Variants in RBFOX1 observed in about 807,000 individuals in gnomAD.
RBFOX1 encodes RNA binding fox-1 homolog 1, also known as RNA binding protein fox-1 homolog 1.
Under a neutral mutation model 57.7 loss-of-function variants are expected in RBFOX1, and 8 were observed. The ratio of observed to expected loss-of-function variants is 0.14; its 90% CI spans 0.08 to 0.25. RBFOX1 has a LOEUF of 0.25. RBFOX1 is among the 10% of genes least tolerant of loss of function. The pLI is 1.00. For synonymous variants in RBFOX1, 326 were observed against 222.4 expected (o/e 1.47, Z -4.15); for missense variants, 611 against 548.5 (o/e 1.11, Z -1.14).
intron 2 of RBFOX1, among the ~76,000 whole-genome samples, chr16:6,601,665 A>C (rs75471861): frequency 0.18 from 27,369 of 152,074 alleles, 3,148 homozygotes; most frequent in Middle Eastern, 0.34. Context: ...ACATATTAAA[A>C]AGAACGTATA....
At chr16:5,764,792 T>G (rs1259174402) in intron 3 of RBFOX1, among the ~76,000 whole-genome samples, 4 of 120,242 alleles carry the variant, frequency 3.3e-5, no homozygotes. Flanking sequence ...ATTATAACCA[T>G]CATCATTTTT....
chr16:7,454,567 T>C (rs1211097886), intron 4 of RBFOX1, among the ~76,000 whole-genome samples: 1 of 152,202 alleles, frequency 6.6e-6, no homozygotes, highest in African/African-American at 2.4e-5. Flanking sequence ...CCTGTTGGGT[T>C]ATGTCCCCTA....
chr16:7,036,939 G>A (rs1277789894), intron 3 of RBFOX1, among the ~76,000 whole-genome samples: 2 of 152,120 alleles, frequency 1.3e-5, no homozygotes, highest in African/African-American at 2.4e-5. Context: ...TAAACAAGGA[G>A]TAGATTATTC....
At chr16:5,473,196 A>G (rs369077136) in intron 2 of RBFOX1, among the ~76,000 whole-genome samples, 1 of 152,182 alleles carries the variant, frequency 6.6e-6, no homozygotes, top group South Asian at 2.1e-4. Flanking sequence ...TATTTACATG[A>G]TTTCTTCCCA....
chr16:6,688,850 A>T (rs2059815452), intron 3 of RBFOX1, among the ~76,000 whole-genome samples: 1 of 152,024 alleles, frequency 6.6e-6, no homozygotes, highest in Non-Finnish European at 1.5e-5. Flanking sequence ...ATGTGTTCTC[A>T]TTGTTCAACT....
chr16:5,884,191 T>G (rs1051176529), intron 4 of RBFOX1, among the ~76,000 whole-genome samples: 5 of 152,194 alleles, frequency 3.3e-5, no homozygotes, highest in Non-Finnish European at 7.3e-5. Context: ...ACCTCAATTT[T>G]ACATTTAAGC....
intron 4 of RBFOX1, among the ~76,000 whole-genome samples, chr16:7,283,159 C>G (rs953071989): frequency 1.3e-5 from 2 of 151,996 alleles, no homozygotes; most frequent in Non-Finnish European, 2.9e-5. Context: ...ACATTTAGGT[C>G]TTTAAGGAAT....
At chr16:7,471,368 TA>T (rs1454749406) in intron 4 of RBFOX1, among the ~76,000 whole-genome samples, 4 of 152,218 alleles carry the variant, frequency 2.6e-5, no homozygotes, top group African/African-American at 9.6e-5. Context: ...TAATTTTTTT[TA>T]ATGTACATAC....
intron 3 of RBFOX1, chr16:6,773,879 T>C: frequency 1.1e-6 from 1 of 871,052 alleles, no homozygotes; most frequent in Non-Finnish European, 1.4e-6. Context: ...TGCGTTTGTC[T>C]GTGTGTATTT....
chr16:6,990,756 C>G (rs1223696636), intron 3 of RBFOX1, among the ~76,000 whole-genome samples: 1 of 152,094 alleles, frequency 6.6e-6, no homozygotes, highest in African/African-American at 2.4e-5. Context: ...CATGATCTTC[C>G]ATGTCCATCT....
At chr16:5,713,278 C>T (rs569657714) in intron 3 of RBFOX1, among the ~76,000 whole-genome samples, 3 of 152,020 alleles carry the variant, frequency 2.0e-5, no homozygotes, top group Non-Finnish European at 4.4e-5. Flanking sequence ...TCCTCGGTAA[C>T]CTTTGAGCGA....
At chr16:6,902,482 G>A (rs1248145480) in intron 3 of RBFOX1, among the ~76,000 whole-genome samples, 4 of 152,182 alleles carry the variant, frequency 2.6e-5, no homozygotes, top group Non-Finnish European at 5.9e-5. Context: ...AGCACTTTGA[G>A]AGGCAGGGTG....
intron 2 of RBFOX1, among the ~76,000 whole-genome samples, chr16:5,505,046 G>C (rs1025218702): frequency 2.0e-5 from 3 of 149,684 alleles, no homozygotes; most frequent in African/African-American, 7.6e-5. Context: ...CAAGGCGCTG[G>C]TTGCATAGCC....
intron 6 of RBFOX1, among the ~76,000 whole-genome samples, chr16:7,583,930 A>C (rs1192178739): frequency 6.6e-6 from 1 of 152,210 alleles, no homozygotes; most frequent in East Asian, 1.9e-4. Flanking sequence ...CATGACTTTC[A>C]GCACATGCAA....
chr16:7,649,305 A>T (rs928549408), intron 11 of RBFOX1, among the ~76,000 whole-genome samples: 1 of 152,130 alleles, frequency 6.6e-6, no homozygotes, highest in African/African-American at 2.4e-5. Context: ...TTTTGCAAGA[A>T]TCAATATTAT....
At chr16:5,252,966 C>CGCA (rs1474492238) in intron 1 of RBFOX1, among the ~76,000 whole-genome samples, 3 of 152,144 alleles carry the variant, frequency 2.0e-5, no homozygotes, top group Non-Finnish European at 4.4e-5. Context: ...TTCACATGCA[C>CGCA]GCAGCCAATT....
intron 10 of RBFOX1, among the ~76,000 whole-genome samples, chr16:7,613,076 A>C: frequency 6.6e-6 from 1 of 152,202 alleles, no homozygotes; most frequent in Non-Finnish European, 1.5e-5. Context: ...AGATATAGTT[A>C]GGTCCCAGAG....
At chr16:5,543,231 A>G (rs78805514) in intron 2 of RBFOX1, among the ~76,000 whole-genome samples, 4,114 of 152,326 alleles carry the variant, frequency 0.027, 217 homozygotes, top group African/African-American at 0.093. Context: ...ACAACCTAAA[A>G]TGAGTAGAAA....
At chr16:5,568,895 C>T (rs1172549722) in intron 2 of RBFOX1, among the ~76,000 whole-genome samples, 1 of 152,240 alleles carries the variant, frequency 6.6e-6, no homozygotes, top group Non-Finnish European at 1.5e-5. Context: ...GGTTGGAGTG[C>T]AGTGACGCGA....
Sources: gnomAD v4.1 joint callset for allele counts (sites outside exome capture counted in the v4.1 genomes callset) on GRCh38, gnomAD v4.1.1 for gene constraint, MANE v1.5 for transcripts, NCBI Gene and HGNC (gene_info 2026-07-23, HGNC 2026-07-21) for gene names.